TRPS1: variants seen among roughly 807,000 people sequenced by gnomAD.
The protein encoded by TRPS1 is transcriptional repressor GATA binding 1, also known as zinc finger transcription factor Trps1.
In TRPS1, 6 loss-of-function variants were observed where a neutral mutation model predicts 101.2. The ratio of observed to expected loss-of-function variants is 0.06; its 90% CI spans 0.03 to 0.12. The LOEUF (loss-of-function observed/expected upper bound fraction) is 0.12. Among genes scored for constraint, TRPS1 ranks in the 10% least tolerant of loss-of-function variants. The probability of loss-of-function intolerance (pLI) is 1.00; values close to 1 mark genes in which losing one functional copy is unlikely to be tolerated. For missense variants in TRPS1, 1,363 were observed against 1,567.0 expected (o/e 0.87, Z 2.20); for synonymous variants, 578 against 589.8 (o/e 0.98, Z 0.29).
intron 5 of TRPS1, among the ~76,000 whole-genome samples, chr8:115,504,414 C>G (rs140052370): frequency 6.6e-6 from 1 of 152,256 alleles, no homozygotes; most frequent in African/African-American, 2.4e-5. Context: ...TTCTTACTCC[C>G]TACAAAATAA....
intron 4 of TRPS1, among the ~76,000 whole-genome samples, chr8:115,591,669 G>C (rs1421904202): frequency 6.6e-6 from 1 of 152,172 alleles, no homozygotes; most frequent in Non-Finnish European, 1.5e-5. Flanking sequence ...GTGCTGGAGA[G>C]CTGTAGGAAC....
At chr8:115,476,699 A>G (rs1409462369) in intron 5 of TRPS1, among the ~76,000 whole-genome samples, 2 of 152,222 alleles carry the variant, frequency 1.3e-5, no homozygotes, top group Non-Finnish European at 2.9e-5. Context: ...TAGACTTTGC[A>G]ATTTTAGGTC....
chr8:115,570,468 C>T (rs1301359705), intron 5 of TRPS1, among the ~76,000 whole-genome samples: 1 of 151,872 alleles, frequency 6.6e-6, no homozygotes, highest in African/African-American at 2.4e-5. Context: ...TTTAGACCTC[C>T]TAAAAGATTA....
intron 1 of TRPS1, 199 bp downstream of exon 1, chr8:115,668,346 T>TA (rs1189843217): frequency 2.1e-5 from 3 of 145,390 alleles, no homozygotes; most frequent in Non-Finnish European, 3.0e-5. Context: ...CTCTGCTTTT[T>TA]TTTTTTTTTT....
chr8:115,569,875 T>C (rs925071015), intron 5 of TRPS1, among the ~76,000 whole-genome samples: 1 of 152,054 alleles, frequency 6.6e-6, no homozygotes, highest in Non-Finnish European at 1.5e-5. Context: ...GAAGACTGAT[T>C]AAGTTCAACC....
At chr8:115,598,343 TAGTCTTTGTCGCCC>T (rs1817834307) in intron 4 of TRPS1, among the ~76,000 whole-genome samples, 1 of 152,120 alleles carries the variant, frequency 6.6e-6, no homozygotes, top group African/African-American at 2.4e-5. Context: ...AGCAATACCT[TAGTCTTTGTCGCCC>T]AGGCCAGTGG....
chr8:115,563,459 A>G lies in TRPS1; in HGVS notation c.2700+23542T>C, dbSNP rs1206276177. ...GAAACTGAGCTCCAAACCTAATATA[A>G]AAGTCTCCTCTGCTAATCACTAAAC... On this transcript the variant is annotated intron_variant, in intron 5 of 6. Coordinates refer to ENST00000395715, the MANE Select transcript of TRPS1 (RefSeq NM_014112.5). Among the ~76,000 whole-genome samples, 20 of 152,128 alleles carry G rather than the reference A, an allele frequency of 1.3e-4. 1 individual carries two copies. The highest frequency in any genetic ancestry group is 1.3e-3 in the Admixed American group (20 of 15,254).
chr8:115,521,171 T>G (rs1377216925), intron 5 of TRPS1, among the ~76,000 whole-genome samples: 2 of 151,762 alleles, frequency 1.3e-5, no homozygotes, highest in Non-Finnish European at 2.9e-5. Flanking sequence ...TTCTGGTTCC[T>G]AGCCTACTTG....
intron 5 of TRPS1, among the ~76,000 whole-genome samples, chr8:115,576,346 C>T (rs1050494181): frequency 4.0e-5 from 6 of 151,036 alleles, no homozygotes; most frequent in Middle Eastern, 3.4e-3. Context: ...AGCATCATTA[C>T]GTCCAAAATA....
chr8:115,587,067 G>A lies in TRPS1; in HGVS notation c.2634C>T (p.Ala878=), dbSNP rs1817574873. The change falls in exon 5 of 7, where the codon GCC becomes GCT. Residue 878 remains alanine (A), a synonymous_variant. Transcript: ENST00000395715. ...GAPAGGEKSG[A]LPQQYPASGE... ...CCGATGCAGGATACTGCTGGGGGAGGGCCCCAGACTTCTCTCCGCCAGCTG... is the reference window on the plus strand; with the variant it reads ...CCGATGCAGGATACTGCTGGGGGAGAGCCCCAGACTTCTCTCCGCCAGCTG... 2 of 1,614,138 alleles carry A rather than the reference G, an allele frequency of 1.2e-6. No homozygotes were observed. Among genetic ancestry groups the A allele is most frequent in the Non-Finnish European group, 1.7e-6 (2 of 1,180,018 alleles).
chr8:115,425,881 T>C (rs139888651), intron 5 of TRPS1, among the ~76,000 whole-genome samples: 19 of 152,328 alleles, frequency 1.2e-4, no homozygotes, highest in Non-Finnish European at 1.8e-4. Context: ...AATTACATAA[T>C]AGAATCAGAA....
In TRPS1 at chr8:115,587,056, T is replaced by C. The variant is rs369004633; in HGVS notation, c.2645A>G (p.Gln882Arg). ...CTTGTTTTCTCCCGATGCAGGATAC[T>C]GCTGGGGGAGGGCCCCAGACTTCTC... ...GGEKSGALPQ[Q>R]YPASGENKSK... Residue 882 changes from glutamine (Q) to arginine (R), a missense_variant, in exon 5 of 7, where the codon CAG becomes CGG. Coordinates refer to ENST00000395715, the MANE Select transcript of TRPS1 (RefSeq NM_014112.5). 8.6e-5 allele frequency: 139 copies of C among 1,614,104 alleles called. No homozygotes were observed. The African/African-American group carries it at 1.4e-3, about 16-fold the overall frequency.
In TRPS1 at chr8:115,604,390, C is replaced by T; in HGVS notation, c.1579G>A (p.Gly527Arg). The T allele has an allele frequency of 1.2e-6, 2 of 1,614,044 alleles. No homozygotes were observed. The highest frequency in any genetic ancestry group is 2.2e-5 in the East Asian group (1 of 44,848). The change falls in exon 4 of 7, where the codon GGA becomes AGA. Residue 527 changes from glycine to arginine, a missense_variant. By Grantham distance (125) the Gly-to-Arg change is moderately radical. This residue lies in a region of TRPS1 where 1,020 missense variants were observed against 1,073.0 expected (regional missense o/e 0.95). Coordinates refer to ENST00000395715, the MANE Select transcript of TRPS1 (RefSeq NM_014112.5). This position sits in a 1 kb window ranked among gnomAD's most constrained non-coding sequence, Gnocchi z 4.1. ...CTCGTTACCATATTATCCTCGGCTC[C>T]CTTGCTGGAGAAGTCCTTCTTTTTA... ...GAKKKDFSSK[G>R]AEDNMVTSYN...
chr8:115,426,420 C>T (rs1813187548), intron 5 of TRPS1, among the ~76,000 whole-genome samples: 1 of 152,076 alleles, frequency 6.6e-6, no homozygotes, highest in Non-Finnish European at 1.5e-5. Flanking sequence ...GTCTCAGCTT[C>T]TAGGCATTTA....
rs577955145 is a variant in TRPS1 at position 115,639,600 on chromosome 8, C to T, written c.-121-15842G>A. Among the ~76,000 whole-genome samples the T allele has an allele frequency of 3.3e-5, 5 of 151,210 alleles. No individual in the cohort carries two copies. The East Asian group carries it at 9.8e-4, about 29-fold the overall frequency. The stretch of plus-strand genomic sequence containing the variant: ...ATCCCAGCACTTTGGAAGGCCAAGT[C>T]GGTGGACCACTTGAGTCCAGGAGTT... On this transcript the variant is annotated intron_variant, in intron 1 of 6. Transcript: ENST00000395715.
intron 1 of TRPS1, among the ~76,000 whole-genome samples, chr8:115,650,631 C>G (rs989439706): frequency 6.6e-6 from 1 of 152,036 alleles, no homozygotes; most frequent in East Asian, 1.9e-4. Flanking sequence ...AAATTGTTCC[C>G]AGGCTTTTAA....
At chr8:115,633,406 C>T (rs772465755) in intron 1 of TRPS1, among the ~76,000 whole-genome samples, 11 of 152,004 alleles carry the variant, frequency 7.2e-5, no homozygotes, top group Non-Finnish European at 1.3e-4. Context: ...CAAGCACAGA[C>T]ACACATCTGT....
chr8:115,648,881 C>A (rs1811493354), intron 1 of TRPS1, among the ~76,000 whole-genome samples: 1 of 151,786 alleles, frequency 6.6e-6, no homozygotes, highest in African/African-American at 2.4e-5. Flanking sequence ...CACACATAAG[C>A]TACCTCAGAT....
At position 115,409,547 on chromosome 8, in the gene TRPS1, T is replaced by C. The variant is rs1441275634; in HGVS notation, c.*4476A>G. ...TTCTGCCCTAGCATATTCCAGAAGTTCTAATTACTGCAATTAACTGGGATG... is the reference window on the plus strand; with the variant it reads ...TTCTGCCCTAGCATATTCCAGAAGTCCTAATTACTGCAATTAACTGGGATG... On this transcript the variant is annotated 3_prime_UTR_variant, in exon 7 of 7. Coordinates refer to ENST00000395715, the MANE Select transcript of TRPS1 (RefSeq NM_014112.5). 1 of 152,048 alleles carries C rather than the reference T, an allele frequency of 6.6e-6. No individual in the cohort carries two copies. Among genetic ancestry groups the C allele is most frequent in the Non-Finnish European group, 1.5e-5 (1 of 67,976 alleles). The allele number at this position is 152,048 out of a possible 1,614,324, so 9.4% of individuals were successfully genotyped here.
Sources: gnomAD v4.1 joint callset for allele counts (sites outside exome capture counted in the v4.1 genomes callset) on GRCh38, gnomAD v4.1.1 for gene constraint, gnomAD v4.1.1 regional missense constraint, Gnocchi (gnomAD v3.1) non-coding constraint, MANE v1.5 for transcripts, NCBI Gene and HGNC (gene_info 2026-07-23, HGNC 2026-07-21) for gene names.